The following MELK variants were observed in gnomAD, a reference collection of about 807,000 sequenced individuals.
MELK encodes maternal embryonic leucine zipper kinase.
In MELK, 81 loss-of-function variants were observed where a neutral mutation model predicts 85.0. The ratio of observed to expected loss-of-function variants is 0.95; its 90% CI spans 0.80 to 1.15. MELK has a LOEUF of 1.15. Ranked by LOEUF, MELK falls within the 50% of genes most tolerant of loss-of-function variation. The pLI is 0.00. For missense variants in MELK, 754 were observed against 777.5 expected (o/e 0.97, Z 0.36); for synonymous variants, 252 against 265.0 (o/e 0.95, Z 0.48).
At chr9:36,605,513 G>C (rs1825392951) in intron 7 of MELK, among the ~76,000 whole-genome samples, 1 of 151,914 alleles carries the variant, frequency 6.6e-6, no homozygotes, top group African/African-American at 2.4e-5. Context: ...CACCTGATCT[G>C]CTTTGAATTT....
intron 7 of MELK, among the ~76,000 whole-genome samples, chr9:36,605,040 C>T (rs918498253): frequency 2.0e-5 from 3 of 151,930 alleles, no homozygotes; most frequent in Non-Finnish European, 2.9e-5. Context: ...CAGACATGCA[C>T]CACCACACCT....
At chr9:36,573,307 T>C (rs1821275671) in intron 1 of MELK, 1 of 152,266 alleles carries the variant, frequency 6.6e-6, no homozygotes, top group Non-Finnish European at 1.5e-5. Flanking sequence ...CCATTTCCCG[T>C]TTCCAGTTTC....
chr9:36,671,954 T>C (rs1455724101), intron 16 of MELK, among the ~76,000 whole-genome samples: 1 of 152,100 alleles, frequency 6.6e-6, no homozygotes, highest in African/African-American at 2.4e-5. Context: ...CTCAGTGCTA[T>C]AGTAAAAACA....
chr9:36,651,596 C>A, intron 11 of MELK, 150 bp from the exon 12 acceptor site: 1 of 763,440 alleles, frequency 1.3e-6, no homozygotes, highest in Non-Finnish European at 2.1e-6. Context: ...AGGTGTGGTG[C>A]ACTGGTTGCT....
At chr9:36,577,617 C>T (rs1821784343) in intron 1 of MELK, among the ~76,000 whole-genome samples, 1 of 152,020 alleles carries the variant, frequency 6.6e-6, no homozygotes, top group Non-Finnish European at 1.5e-5. Flanking sequence ...CAGGCGTGAG[C>T]CACTGCACCT....
Position 36,665,552 on chromosome 9 carries a change from C to T in MELK, c.1379C>T (p.Thr460Met), listed in dbSNP as rs144052967. 1.1e-4 allele frequency: 181 copies of T among 1,613,192 alleles called. No individual in the cohort carries two copies. The highest frequency in any genetic ancestry group is 4.1e-4 in the South Asian group (37 of 90,964). ...CAGCATAAGAGAGAAATACTCACTACGCCAAATCGTTACACTACACCCTCA... is the reference window on the plus strand; with the variant it reads ...CAGCATAAGAGAGAAATACTCACTATGCCAAATCGTTACACTACACCCTCA... ...KNQHKREILTTPNRYTTPSKA... is the reference protein window; with the variant it reads ...KNQHKREILTMPNRYTTPSKA... Residue 460 changes from threonine to methionine, a missense_variant, in exon 14 of 18, where the codon ACG becomes ATG. Transcript: ENST00000298048.
At chr9:36,632,191 C>T (rs1392380993) in intron 9 of MELK, among the ~76,000 whole-genome samples, 1 of 152,098 alleles carries the variant, frequency 6.6e-6, no homozygotes, top group African/African-American at 2.4e-5. Context: ...TAACAAGCTC[C>T]CAGAAGATGC....
chr9:36,586,710 A>G (rs892271868), intron 3 of MELK, among the ~76,000 whole-genome samples: 14 of 152,232 alleles, frequency 9.2e-5, no homozygotes, highest in Non-Finnish European at 5.9e-5. Flanking sequence ...AAAATGTGTT[A>G]TCACACTGAT....
intron 10 of MELK, among the ~76,000 whole-genome samples, chr9:36,641,822 G>C (rs1829787945): frequency 6.6e-6 from 1 of 151,984 alleles, no homozygotes; most frequent in Admixed American, 6.6e-5. Context: ...GGTCAGGCTG[G>C]TCTCCAACTC....
chr9:36,677,401 A>G lies in MELK; in HGVS notation c.*64A>G, dbSNP rs1833441045. ...TGATACAGCCTACATAAAGACTGTTATGATCGCTTTGATTTTAAAGTTCAT... is the reference window on the plus strand; with the variant it reads ...TGATACAGCCTACATAAAGACTGTTGTGATCGCTTTGATTTTAAAGTTCAT... On this transcript the variant is annotated 3_prime_UTR_variant, in exon 18 of 18. Coordinates refer to ENST00000298048, the MANE Select transcript of MELK (RefSeq NM_014791.4). 2 of 1,405,580 alleles carry G rather than the reference A, an allele frequency of 1.4e-6. No homozygotes were observed. The highest frequency in any genetic ancestry group is 2.5e-5 in the East Asian group (1 of 39,998). The allele number at this position is 1,405,580 out of a possible 1,614,324, so 87.1% of individuals were successfully genotyped here.
chr9:36,661,668 G>GGCTC (rs1831830442), intron 13 of MELK, among the ~76,000 whole-genome samples: 1 of 152,134 alleles, frequency 6.6e-6, no homozygotes, highest in South Asian at 2.1e-4. Flanking sequence ...CGGGCGCGGT[G>GGCTC]GCTCACGCCT....
At chr9:36,591,284 T>C (rs901983437) in intron 4 of MELK, among the ~76,000 whole-genome samples, 4 of 151,930 alleles carry the variant, frequency 2.6e-5, no homozygotes, top group Admixed American at 2.6e-4. Flanking sequence ...TCAAATAAAA[T>C]TCTTAGGGCC....
chr9:36,665,214 TA>T, intron 13 of MELK, 135 bp from the exon 14 acceptor site: 1 of 614,968 alleles, frequency 1.6e-6, no homozygotes, highest in Non-Finnish European at 2.9e-6. Context: ...TCAAATTTCC[TA>T]ATGTCAATAA....
intron 12 of MELK, among the ~76,000 whole-genome samples, chr9:36,655,864 G>C (rs1831189905): frequency 1.3e-5 from 2 of 152,160 alleles, no homozygotes; most frequent in Non-Finnish European, 2.9e-5. Context: ...ATTAGTGGTA[G>C]AGACAATATT....
At chr9:36,574,801 C>T (rs1347495583) in intron 1 of MELK, among the ~76,000 whole-genome samples, 1 of 152,078 alleles carries the variant, frequency 6.6e-6, no homozygotes, top group Non-Finnish European at 1.5e-5. Context: ...CCATAAACGT[C>T]TTCTCATTAT....
At chr9:36,590,114 G>C (rs1231999110) in intron 4 of MELK, among the ~76,000 whole-genome samples, 1 of 151,780 alleles carries the variant, frequency 6.6e-6, no homozygotes, top group Non-Finnish European at 1.5e-5. Flanking sequence ...GTAGAGACGG[G>C]GTTTCACGTG....
At chr9:36,600,529 G>A (rs577596022) in intron 7 of MELK, among the ~76,000 whole-genome samples, 1 of 152,170 alleles carries the variant, frequency 6.6e-6, no homozygotes, top group African/African-American at 2.4e-5. Context: ...GACTACACGC[G>A]TCCGCCACCA....
At chr9:36,582,121 G>A (rs191618211) in intron 2 of MELK, among the ~76,000 whole-genome samples, 229 of 151,990 alleles carry the variant, frequency 1.5e-3, no homozygotes, top group African/African-American at 5.3e-3. Context: ...ACAGGCGCTC[G>A]CCATGCCTGG....
At chr9:36,586,404 T>C (rs1483725222) in intron 3 of MELK, among the ~76,000 whole-genome samples, 1 of 151,812 alleles carries the variant, frequency 6.6e-6, no homozygotes, top group Non-Finnish European at 1.5e-5. Context: ...TGTCATTAAA[T>C]CATTTGAATT....
Sources: gnomAD v4.1 joint callset for allele counts (sites outside exome capture counted in the v4.1 genomes callset) on GRCh38, gnomAD v4.1.1 for gene constraint, MANE v1.5 for transcripts, NCBI Gene and HGNC (gene_info 2026-07-23, HGNC 2026-07-21) for gene names.